The following ZSCAN5A variants were observed in gnomAD, a reference collection of about 807,000 sequenced individuals.
ZSCAN5A encodes the protein zinc finger and SCAN domain containing 5A.
ZSCAN5A carries 12 observed loss-of-function variants against 23.7 expected under a neutral mutation model. That is an observed-to-expected ratio of 0.51 (90% CI 0.32 to 0.82). The LOEUF (loss-of-function observed/expected upper bound fraction) is 0.82, where lower values mean the gene tolerates loss of function less well. Ranked by LOEUF, ZSCAN5A falls within the 40% of genes least tolerant of loss-of-function variation. The pLI is 0.03. For synonymous variants in ZSCAN5A, 257 were observed against 239.9 expected (o/e 1.07, Z -0.66); for missense variants, 597 against 617.9 (o/e 0.97, Z 0.36).
chr19:56,278,846 A>G (rs1473809730), intron 2 of ZSCAN5A, among the ~76,000 whole-genome samples: 1 of 152,196 alleles, frequency 6.6e-6, no homozygotes, highest in African/African-American at 2.4e-5. Context: ...AGCCAGGAGA[A>G]GGGCATCCCA....
At chr19:56,251,985 G>A (rs1021813064) in intron 2 of ZSCAN5A, among the ~76,000 whole-genome samples, 1 of 152,136 alleles carries the variant, frequency 6.6e-6, no homozygotes, top group Non-Finnish European at 1.5e-5. Flanking sequence ...GTGGAAAAAA[G>A]CTTTCTGACC....
intron 2 of ZSCAN5A, among the ~76,000 whole-genome samples, chr19:56,340,501 G>C (rs907590536): frequency 6.6e-6 from 1 of 152,208 alleles, no homozygotes; most frequent in African/African-American, 2.4e-5. Flanking sequence ...TCAATGTCAT[G>C]AAAGGAATAC....
At chr19:56,333,830 G>C (rs1257032084) in intron 2 of ZSCAN5A, among the ~76,000 whole-genome samples, 5 of 151,684 alleles carry the variant, frequency 3.3e-5, no homozygotes, top group African/African-American at 1.2e-4. Context: ...ACACCTTCTA[G>C]GGAGACAGGG....
chr19:56,324,732 A>C (rs2041417020), intron 2 of ZSCAN5A, among the ~76,000 whole-genome samples: 1 of 151,990 alleles, frequency 6.6e-6, no homozygotes, highest in South Asian at 2.1e-4. Context: ...CCTGTGGAGG[A>C]AAAGTTAAAT....
chr19:56,298,666 AAT>A (rs1379046419), intron 2 of ZSCAN5A, among the ~76,000 whole-genome samples: 1 of 148,972 alleles, frequency 6.7e-6, no homozygotes, highest in Non-Finnish European at 1.5e-5. Flanking sequence ...AAAAAAAAAA[AAT>A]CTGAATAATC....
chr19:56,358,021 C>T lies in ZSCAN5A; in HGVS notation c.-358+5214G>A, dbSNP rs1281350467. 1.3e-5 allele frequency among the ~76,000 whole-genome samples: 2 copies of T among 148,814 alleles called. 1 individual carries two copies. Among genetic ancestry groups the T allele is most frequent in the Non-Finnish European group, 3.0e-5 (2 of 67,326 alleles). ...AAAGGTCAAAAAAGACAAAGAAGGG[C>T]ATTAGGTAATGGTAAAAACTTTAAT... On this transcript the variant is annotated intron_variant, in intron 2 of 6. Transcript: ENST00000587340.
chr19:56,224,208 G>A, intron 3 of ZSCAN5A: 1 of 264,404 alleles, frequency 3.8e-6, no homozygotes, highest in Non-Finnish European at 7.1e-6. Context: ...CCCTGCATCT[G>A]ATACCAACCA....
At chr19:56,358,954 T>C (rs897379728) in intron 2 of ZSCAN5A, among the ~76,000 whole-genome samples, 1 of 152,102 alleles carries the variant, frequency 6.6e-6, no homozygotes, top group South Asian at 2.1e-4. Context: ...CAGCACTAAA[T>C]AGATCCAACA....
intron 2 of ZSCAN5A, among the ~76,000 whole-genome samples, chr19:56,326,533 G>A (rs2041436144): frequency 6.6e-6 from 1 of 151,754 alleles, no homozygotes; most frequent in African/African-American, 2.4e-5. Flanking sequence ...ACTACTCTCT[G>A]AGTTTGACTT....
chr19:56,280,139 A>G (rs2038578200), intron 2 of ZSCAN5A, among the ~76,000 whole-genome samples: 1 of 152,188 alleles, frequency 6.6e-6, no homozygotes. Flanking sequence ...GTGTATTTAT[A>G]TATTCAAAGT....
chr19:56,328,236 T>C (rs1287860745), intron 2 of ZSCAN5A, among the ~76,000 whole-genome samples: 3 of 152,194 alleles, frequency 2.0e-5, no homozygotes, highest in Admixed American at 1.3e-4. Flanking sequence ...TTTCAACATA[T>C]TGAATACTTC....
In ZSCAN5A at chr19:56,302,044, C is replaced by T. The variant is rs114638449; in HGVS notation, c.-128+11239G>A. 4.3e-4 allele frequency: 524 copies of T among 1,231,898 alleles called. 4 individuals carry two copies. The African/African-American group carries it at 6.9e-3, about 16-fold the overall frequency. 76.3% of individuals were successfully genotyped at this position (1,231,898 alleles called of 1,614,324 possible). Reference sequence around the variant, plus strand: ...AGAACACGTGGAACTTCCTGAAATGCGCCTACATGGTGATGACCTACCTCT... The same window carrying T: ...AGAACACGTGGAACTTCCTGAAATGTGCCTACATGGTGATGACCTACCTCT... On this transcript the variant is annotated intron_variant, in intron 2 of 5. Coordinates refer to ENST00000683990, the MANE Select transcript of ZSCAN5A (RefSeq NM_001322064.3).
chr19:56,349,574 GGGCGC>G (rs1420067938), intron 2 of ZSCAN5A, among the ~76,000 whole-genome samples: 1 of 151,656 alleles, frequency 6.6e-6, no homozygotes, highest in Non-Finnish European at 1.5e-5. Context: ...GTGCAGTGGT[GGGCGC>G]CTGTAGTCCC....
chr19:56,322,958 G>C (rs1386151189), intron 2 of ZSCAN5A, among the ~76,000 whole-genome samples: 1 of 146,350 alleles, frequency 6.8e-6, no homozygotes, highest in Non-Finnish European at 1.5e-5. Context: ...GCAGTGGCGC[G>C]ATCTCTGCTC....
At chr19:56,302,258 C>G (rs922009745) in intron 2 of ZSCAN5A, among the ~76,000 whole-genome samples, 1 of 151,838 alleles carries the variant, frequency 6.6e-6, no homozygotes, top group African/African-American at 2.4e-5. Context: ...CTCTCCCACC[C>G]GCCTCCATCT....
Position 56,256,386 on chromosome 19 carries a change from G to C in ZSCAN5A, c.-127-31213C>G, listed in dbSNP as rs1230232495. Among the ~76,000 whole-genome samples the C allele has an allele frequency of 2.6e-5, 4 of 152,102 alleles. No individual in the cohort carries two copies. The East Asian group carries it at 7.7e-4, about 29-fold the overall frequency. On this transcript the variant is annotated intron_variant, in intron 2 of 5. Coordinates refer to ENST00000683990, the MANE Select transcript of ZSCAN5A (RefSeq NM_001322064.3). ...CTTTTGTGGTTTTTGTAGAGACAGA[G>C]TTCTGTCATGTTGCCCAGGTTGGTC...
chr19:56,325,462 C>A (rs1436065247), intron 2 of ZSCAN5A, among the ~76,000 whole-genome samples: 1 of 152,164 alleles, frequency 6.6e-6, no homozygotes, highest in Non-Finnish European at 1.5e-5. Flanking sequence ...GAGGAATTAT[C>A]CCCTGAAAGA....
At chr19:56,245,983 G>A (rs1192920476) in intron 2 of ZSCAN5A, among the ~76,000 whole-genome samples, 1 of 152,144 alleles carries the variant, frequency 6.6e-6, no homozygotes, top group Non-Finnish European at 1.5e-5. Context: ...GGTGCCAGGG[G>A]TTAGGGGCCT....
chr19:56,306,060 A>G (rs2040665686), intron 2 of ZSCAN5A, among the ~76,000 whole-genome samples: 1 of 152,156 alleles, frequency 6.6e-6, no homozygotes, highest in African/African-American at 2.4e-5. Context: ...GATTAGAGCA[A>G]GCATTTTAGA....
Sources: allele counts gnomAD v4.1 joint callset (sites outside exome capture counted in the v4.1 genomes callset), GRCh38; gene constraint gnomAD v4.1.1; transcripts MANE v1.5; gene names NCBI Gene and HGNC (gene_info 2026-07-23, HGNC 2026-07-21).